The following FMN1 variants were observed in gnomAD, a reference collection of about 807,000 sequenced individuals.
The protein encoded by FMN1 is formin-1.
A neutral mutation model predicts 132.4 loss-of-function variants in FMN1; 110 were observed. That is an observed-to-expected ratio of 0.83 (90% confidence interval 0.71 to 0.97). The LOEUF is 0.97. FMN1 is among the 50% of genes least tolerant of loss of function. The pLI, the probability that FMN1 is intolerant of heterozygous loss-of-function variation, is 0.00. For missense variants in FMN1, 1,792 were observed against 1,705.3 expected (o/e 1.05, Z -0.90); for synonymous variants, 722 against 651.7 (o/e 1.11, Z -1.64).
chr15:33,150,529 G>T (rs1964400641), intron 4 of FMN1: 1 of 985,288 alleles, frequency 1.0e-6, no homozygotes, highest in Admixed American at 6.1e-5. Context: ...CCAACAGAAG[G>T]TGCATCGCTG....
intron 6 of FMN1, 73 bp from the exon 7 acceptor site, chr15:33,008,148 T>TA: frequency 8.5e-7 from 1 of 1,177,808 alleles, no homozygotes; most frequent in South Asian, 1.3e-5. Context: ...CTGGTCCTCT[T>TA]AGAAATAAAC....
chr15:32,821,777 C>T (rs536467742), intron 17 of FMN1, among the ~76,000 whole-genome samples: 5 of 152,152 alleles, frequency 3.3e-5, no homozygotes, highest in Admixed American at 3.3e-4. Context: ...ACCCATTATA[C>T]CTGTGATTTT....
At chr15:32,937,195 G>T (rs1293334409) in intron 9 of FMN1, among the ~76,000 whole-genome samples, 1 of 152,132 alleles carries the variant, frequency 6.6e-6, no homozygotes, top group Non-Finnish European at 1.5e-5. Flanking sequence ...TCCCAACCTG[G>T]CATCTTTCCC....
chr15:33,175,199 T>C (rs559979355), intron 3 of FMN1, among the ~76,000 whole-genome samples: 1 of 152,106 alleles, frequency 6.6e-6, no homozygotes, highest in Non-Finnish European at 1.5e-5. Flanking sequence ...CTGATTTGTT[T>C]TTTGTTTGGT....
chr15:32,892,913 G>C (rs1301797563), intron 15 of FMN1, among the ~76,000 whole-genome samples: 1 of 152,122 alleles, frequency 6.6e-6, no homozygotes, highest in Non-Finnish European at 1.5e-5. Context: ...ACACCTCAGA[G>C]GCAGAAACTG....
intron 8 of FMN1, among the ~76,000 whole-genome samples, chr15:32,966,264 C>G (rs141732013): frequency 6.6e-6 from 1 of 151,662 alleles, no homozygotes; most frequent in Admixed American, 6.6e-5. Flanking sequence ...GGGAGTCAAC[C>G]GTGATCAGTT....
chr15:32,961,279 G>A (rs1306598557), intron 9 of FMN1, among the ~76,000 whole-genome samples: 6 of 151,674 alleles, frequency 4.0e-5, no homozygotes, highest in South Asian at 2.1e-4. Flanking sequence ...GATTACAGGC[G>A]CCCGCCACCA....
chr15:33,077,368 TA>T lies in FMN1; in HGVS notation c.2043+11430del, dbSNP rs1477604752. Among the ~76,000 whole-genome samples the T allele has an allele frequency of 6.7e-4, 64 of 95,440 alleles. 1 individual carries two copies. The highest frequency in any genetic ancestry group is 1.3e-3 in the African/African-American group (42 of 32,254). The allele number at this position is 95,440 out of a possible 152,430, so 62.6% of individuals were successfully genotyped here. On this transcript the variant is annotated intron_variant, in intron 5 of 20. Transcript: ENST00000616417. ...TTTTTTTTTTTAATATATATATATA[TA>T]TTTTTTTTATTATACTTTAAGTTCT...
chr15:33,129,515 G>A (rs1005391600), intron 4 of FMN1, among the ~76,000 whole-genome samples: 20 of 152,260 alleles, frequency 1.3e-4, no homozygotes, highest in Non-Finnish European at 2.4e-4. Flanking sequence ...GGTTAAACTG[G>A]TATATGCTGA....
At chr15:32,843,508 A>G (rs2058791233) in intron 17 of FMN1, among the ~76,000 whole-genome samples, 1 of 152,248 alleles carries the variant, frequency 6.6e-6, no homozygotes, top group Non-Finnish European at 1.5e-5. Context: ...TATATTAAAG[A>G]GAGAACAGTG....
chr15:33,150,525 G>A, intron 4 of FMN1: 1 of 985,454 alleles, frequency 1.0e-6, no homozygotes. Context: ...AAACCCAACA[G>A]AAGGTGCATC....
intron 5 of FMN1, chr15:33,066,615 G>A: frequency 6.2e-7 from 1 of 1,613,894 alleles, no homozygotes; most frequent in Non-Finnish European, 8.5e-7. Flanking sequence ...AGAGCTTCCA[G>A]CTCAGAGGTG....
chr15:33,097,363 A>G (rs1039708174), intron 4 of FMN1, among the ~76,000 whole-genome samples: 7 of 152,058 alleles, frequency 4.6e-5, no homozygotes, highest in African/African-American at 1.7e-4. Context: ...AAATACTTAA[A>G]GAAGTATTGG....
chr15:33,160,408 C>A (rs540683121), intron 3 of FMN1, among the ~76,000 whole-genome samples: 13 of 152,322 alleles, frequency 8.5e-5, no homozygotes, highest in Non-Finnish European at 1.5e-4. Context: ...AACCTCAACC[C>A]TCTAGAGTGT....
intron 4 of FMN1, among the ~76,000 whole-genome samples, chr15:33,127,519 T>C (rs1269170100): frequency 6.6e-6 from 1 of 152,224 alleles, no homozygotes. Flanking sequence ...TAACTTTCCA[T>C]TAAACTCAAC....
At chr15:33,083,090 C>G (rs1002384922) in intron 5 of FMN1, among the ~76,000 whole-genome samples, 1 of 152,026 alleles carries the variant, frequency 6.6e-6, no homozygotes, top group Non-Finnish European at 1.5e-5. Flanking sequence ...GCATCTACAC[C>G]AAAGTACCAG....
At chr15:32,897,885 CAG>C (rs1567349491) in intron 15 of FMN1, among the ~76,000 whole-genome samples, 1 of 152,090 alleles carries the variant, frequency 6.6e-6, no homozygotes, top group Non-Finnish European at 1.5e-5. Context: ...AGTGGAAGGA[CAG>C]AGAGTAGCCA....
At chr15:32,806,398 T>C (rs1486061847) in intron 17 of FMN1, among the ~76,000 whole-genome samples, 1 of 152,236 alleles carries the variant, frequency 6.6e-6, no homozygotes, top group Non-Finnish European at 1.5e-5. Context: ...GCTGTAAAGA[T>C]TTAATGAGAT....
intron 17 of FMN1, among the ~76,000 whole-genome samples, chr15:32,833,770 C>A (rs4472803): frequency 0.02 from 3,034 of 152,172 alleles, 35 homozygotes; most frequent in African/African-American, 0.028. Context: ...CTTTTTTCCC[C>A]CTGAACTCTT....
Sources: allele counts gnomAD v4.1 joint callset (sites outside exome capture counted in the v4.1 genomes callset), GRCh38; gene constraint gnomAD v4.1.1; transcripts MANE v1.5; gene names NCBI Gene and HGNC (gene_info 2026-07-23, HGNC 2026-07-21).